Variants in KDSR observed in about 807,000 individuals in gnomAD.
KDSR encodes 3-dehydrosphinganine reductase.
KDSR carries 23 observed loss-of-function variants against 41.3 expected under a neutral mutation model. That is an observed-to-expected ratio of 0.56 (90% CI 0.40 to 0.79). The LOEUF (loss-of-function observed/expected upper bound fraction) is 0.79. Among genes scored for constraint, KDSR ranks in the 30% least tolerant of loss-of-function variants. KDSR has a pLI of 0.00. For missense variants in KDSR, 351 were observed against 416.8 expected (o/e 0.84, Z 1.37); for synonymous variants, 138 against 151.7 (o/e 0.91, Z 0.66).
rs1277006194 is a variant in KDSR, at chr18:63,329,424, T to G, written c.*2358A>C. On this transcript the variant is annotated 3_prime_UTR_variant, in exon 10 of 10. Transcript: ENST00000645214. ...ACTCTCACATCAGTTCAAGTCAGAT[T>G]TTGCTGCCAAATGAATTACGGTATC... The G allele has an allele frequency of 4.8e-6, 1 of 208,968 alleles. No homozygotes were observed. The highest frequency in any genetic ancestry group is 5.9e-5 in the Admixed American group (1 of 16,944). The allele number at this position is 208,968 out of a possible 1,614,324, so 12.9% of individuals were successfully genotyped here.
rs186054237 is a variant in KDSR at position 63,335,342 on chromosome 18, C to T, written c.794G>A (p.Ser265Asn). Residue 265 changes from serine to asparagine, a missense_variant, in exon 9 of 10, where the codon AGT (serine) becomes AAT (asparagine). Physicochemically the swap from Ser to Asn is conservative, Grantham distance 46. Transcript: ENST00000645214. ...VKDAIQGNFN[S>N]SLGSDGYMLS... ...CATGTACCCATCTGAGCCAAGGGAA[C>T]TGTTGAAATTTCCTTGCTAAAAGAG... 1 of 1,612,964 alleles carries T rather than the reference C, an allele frequency of 6.2e-7. No homozygotes were observed. Among genetic ancestry groups the T allele is most frequent in the East Asian group, 2.2e-5 (1 of 44,878 alleles).
chr18:63,335,866 G>A (rs1914139700), intron 8 of KDSR: 1 of 152,948 alleles, frequency 6.5e-6, no homozygotes, highest in African/African-American at 2.4e-5. Flanking sequence ...GGCAACCCTC[G>A]AGGACATGTC....
intron 1 of KDSR, among the ~76,000 whole-genome samples, chr18:63,365,162 G>A (rs895785896): frequency 6.6e-6 from 1 of 152,254 alleles, no homozygotes; most frequent in Admixed American, 6.5e-5. Context: ...GGCCGGGCGC[G>A]ATGGCTCGCG....
chr18:63,335,389 G>T, intron 8 of KDSR, 31 bp from the exon 9 acceptor site: 4 of 1,454,368 alleles, frequency 2.8e-6, no homozygotes, highest in Non-Finnish European at 3.9e-6. Context: ...GAGAAAGAGG[G>T]AATCCTAGTA....
intron 6 of KDSR, chr18:63,344,806 GTT>G (rs1914448768): frequency 4.0e-6 from 1 of 248,162 alleles, no homozygotes; most frequent in Non-Finnish European, 7.8e-6. Context: ...CGAGGGCAGT[GTT>G]TTAAAAAGAG....
chr18:63,352,959 G>A (rs1222243583), intron 5 of KDSR, among the ~76,000 whole-genome samples: 3 of 150,748 alleles, frequency 2.0e-5, no homozygotes, highest in African/African-American at 7.3e-5. Context: ...CTGAGGTCAG[G>A]AGTTCGAGAC....
chr18:63,338,934 T>C (rs1354515615), intron 7 of KDSR, 51 bp from the exon 8 acceptor site: 2 of 1,043,636 alleles, frequency 1.9e-6, no homozygotes, highest in Non-Finnish European at 2.8e-6. Context: ...CCCATTACAT[T>C]AAAAATAAAT....
intron 6 of KDSR, among the ~76,000 whole-genome samples, chr18:63,350,170 G>A (rs1367736292): frequency 2.6e-5 from 4 of 152,290 alleles, no homozygotes; most frequent in South Asian, 2.1e-4. Flanking sequence ...GGGTAGATAC[G>A]TATGTGATGC....
intron 1 of KDSR, among the ~76,000 whole-genome samples, chr18:63,364,140 C>T (rs565645771): frequency 4.7e-4 from 72 of 152,294 alleles, no homozygotes; most frequent in African/African-American, 1.7e-3. Flanking sequence ...CATCTGACAC[C>T]TACTCGCCCA....
chr18:63,355,714 G>T (rs1450402280), intron 3 of KDSR, 151 bp from the exon 4 acceptor site: 35 of 1,197,456 alleles, frequency 2.9e-5, no homozygotes, highest in Non-Finnish European at 3.5e-5. Flanking sequence ...GCAATTAGCA[G>T]AATCTAATTT....
At chr18:63,358,169 A>G (rs1770269582) in intron 3 of KDSR, among the ~76,000 whole-genome samples, 1 of 151,994 alleles carries the variant, frequency 6.6e-6, no homozygotes, top group Admixed American at 6.6e-5. Flanking sequence ...CATCTCAAAA[A>G]TAAATAAATA....
At chr18:63,353,526 T>C (rs1422851654) in intron 5 of KDSR, among the ~76,000 whole-genome samples, 6 of 152,068 alleles carry the variant, frequency 3.9e-5, no homozygotes, top group Non-Finnish European at 8.8e-5. Context: ...GGCATGGGGC[T>C]GAGACAGGAG....
At chr18:63,340,476 G>GA (rs983643610) in intron 7 of KDSR, among the ~76,000 whole-genome samples, 4 of 152,184 alleles carry the variant, frequency 2.6e-5, no homozygotes, top group Admixed American at 1.3e-4. Flanking sequence ...GTATAAAAGA[G>GA]AAAAAAATAT....
chr18:63,336,774 G>T (rs1914171507), intron 8 of KDSR, among the ~76,000 whole-genome samples: 1 of 152,076 alleles, frequency 6.6e-6, no homozygotes, highest in African/African-American at 2.4e-5. Flanking sequence ...ACTACCATTT[G>T]TTGAGTTTGG....
chr18:63,351,173 CA>C, intron 5 of KDSR, 94 bp from the exon 6 acceptor site: 1 of 1,013,724 alleles, frequency 9.9e-7, no homozygotes, highest in Admixed American at 2.6e-5. Context: ...TTCTTCAATG[CA>C]AGCTCAAGTG....
At position 63,362,806 on chromosome 18, in the gene KDSR, A is replaced by C; in HGVS notation, c.171T>G (p.Ala57=). The C allele has an allele frequency of 6.2e-7, 1 of 1,613,438 alleles. No individual in the cohort carries two copies. The highest frequency in any genetic ancestry group is 8.5e-7 in the Non-Finnish European group (1 of 1,179,456). ...CATTTCGTGCAACCAGAGTTATAAA[A>C]GCTCCTTGTTTATAGCACTCGATAG... ...CIAIECYKQG[A]FITLVARNED... The change falls in exon 2 of 10, where the codon GCT becomes GCG. Residue 57 remains alanine (A), a synonymous_variant. Coordinates refer to ENST00000645214, the MANE Select transcript of KDSR (RefSeq NM_002035.4).
chr18:63,335,737 C>G (rs911518951), intron 8 of KDSR: 1 of 157,708 alleles, frequency 6.3e-6, no homozygotes, highest in Admixed American at 6.4e-5. Context: ...CACACGCACT[C>G]GCAGTAATAA....
Position 63,341,217 on chromosome 18 carries a change from G to A in KDSR, c.694-2334C>T, listed in dbSNP as rs12327344. Among the ~76,000 whole-genome samples, 535 of 152,122 alleles carry A rather than the reference G, an allele frequency of 3.5e-3. 3 individuals are homozygous for A. The highest frequency in any genetic ancestry group is 0.012 in the African/African-American group (507 of 41,492). The stretch of plus-strand genomic sequence containing the variant: ...GAGGAAATAAATAATACAAGATATA[G>A]AAGAAATTTTCAAACAAAACAACAG... On this transcript the variant is annotated intron_variant, in intron 7 of 9. Coordinates refer to ENST00000645214, the MANE Select transcript of KDSR (RefSeq NM_002035.4).
chr18:63,344,590 G>T (rs35585697), intron 6 of KDSR, 97 bp from the exon 7 acceptor site: 8,173 of 798,298 alleles, frequency 0.01, 68 homozygotes, highest in Non-Finnish European at 0.012. Flanking sequence ...CCAAAAAGCG[G>T]TGAGAACAAT....
Sources: gnomAD v4.1 joint callset for allele counts (sites outside exome capture counted in the v4.1 genomes callset) on GRCh38, gnomAD v4.1.1 for gene constraint, MANE v1.5 for transcripts, NCBI Gene and HGNC (gene_info 2026-07-23, HGNC 2026-07-21) for gene names.